MEI1: variants seen among roughly 807,000 people sequenced by gnomAD.
MEI1 encodes meiosis inhibitor protein 1.
Under a neutral mutation model 146.2 loss-of-function variants are expected in MEI1, and 103 were observed. The observed-to-expected ratio is 0.70, with a 90% CI of 0.60 to 0.83. MEI1 has a LOEUF of 0.83. MEI1 is among the 40% of genes least tolerant of loss of function. The pLI is 0.00. For missense variants in MEI1, 1,529 were observed against 1,533.0 expected (o/e 1.00, Z 0.04); for synonymous variants, 652 against 628.2 (o/e 1.04, Z -0.57).
intron 4 of MEI1, 31 bp from the exon 5 acceptor site, chr22:41,716,010 T>G (rs2070112105): frequency 6.7e-7 from 1 of 1,492,582 alleles, no homozygotes; most frequent in Non-Finnish European, 9.2e-7. Flanking sequence ...TGATCCTAAT[T>G]GACAGAATGG....
Position 41,745,908 on chromosome 22 carries a change from A to G in MEI1, c.1562A>G (p.Glu521Gly). The G allele has an allele frequency of 6.2e-7, 1 of 1,611,280 alleles. No homozygotes were observed. Among genetic ancestry groups the G allele is most frequent in the Non-Finnish European group, 8.5e-7 (1 of 1,177,986 alleles). ...AGGTTGGCTATAGAATTCCAGAGTG[A>G]GCCTTCAGCCCAGGAGAATCCATTC... The part of the protein sequence containing the change: ...ACRLAIEFQS[E>G]PSAQENPFTA... Residue 521 changes from glutamate to glycine, a missense_variant, in exon 14 of 31, where the codon GAG (glutamate) becomes GGG (glycine). Glu to Gly is a moderately conservative substitution (Grantham distance 98). Around this residue, in one of 3 missense-constraint regions of MEI1, gnomAD observed 1,212 missense variants for 1,178.9 expected, o/e 1.03. Transcript: ENST00000401548.
chr22:41,739,265 T>C (rs1465346626), intron 11 of MEI1, among the ~76,000 whole-genome samples: 3 of 152,258 alleles, frequency 2.0e-5, no homozygotes, highest in African/African-American at 7.2e-5. Context: ...ATTTTTTGTC[T>C]TCTCTACATG....
At chr22:41,712,178 T>C (rs1356913325) in intron 3 of MEI1, among the ~76,000 whole-genome samples, 5 of 81,476 alleles carry the variant, frequency 6.1e-5, no homozygotes, top group African/African-American at 3.0e-4. Flanking sequence ...CACTCCAGCC[T>C]GGGCAACAAG....
chr22:41,721,070 C>T (rs1175663818), intron 6 of MEI1, among the ~76,000 whole-genome samples: 11 of 150,852 alleles, frequency 7.3e-5, no homozygotes, highest in Admixed American at 2.6e-4. Flanking sequence ...TAAGCCACTG[C>T]GCCCAGCCTT....
chr22:41,771,107 T>C, intron 20 of MEI1, 146 bp downstream of exon 20: 1 of 881,118 alleles, frequency 1.1e-6, no homozygotes, highest in Non-Finnish European at 1.8e-6. Context: ...GGAGGGGTGG[T>C]GGTCTCTTCT....
intron 1 of MEI1, among the ~76,000 whole-genome samples, chr22:41,702,210 G>A (rs1345997653): frequency 8.5e-5 from 13 of 152,144 alleles, no homozygotes; most frequent in Admixed American, 4.6e-4. Flanking sequence ...GCGCAATCTT[G>A]GCTCACTGCA....
intron 22 of MEI1, 127 bp from the exon 23 acceptor site, chr22:41,781,157 T>C (rs2075739286): frequency 1.5e-6 from 1 of 670,394 alleles, no homozygotes; most frequent in African/African-American, 1.8e-5. Context: ...TTGGTTGTAA[T>C]ATCAGGGATA....
chr22:41,764,427 C>T (rs1231420943), intron 19 of MEI1, among the ~76,000 whole-genome samples: 1 of 152,170 alleles, frequency 6.6e-6, no homozygotes, highest in Non-Finnish European at 1.5e-5. Context: ...CCAGGTGTGT[C>T]TTACTTGAAA....
chr22:41,765,719 G>A (rs1461051261), intron 19 of MEI1, among the ~76,000 whole-genome samples: 1 of 151,638 alleles, frequency 6.6e-6, no homozygotes, highest in Non-Finnish European at 1.5e-5. Context: ...AATTTTCAGA[G>A]AGTCATTTTA....
chr22:41,786,231 C>T (rs544963618), intron 26 of MEI1, among the ~76,000 whole-genome samples: 1 of 152,196 alleles, frequency 6.6e-6, no homozygotes, highest in South Asian at 2.1e-4. Context: ...TTTTTAAATA[C>T]AGATGGGGTC....
intron 4 of MEI1, among the ~76,000 whole-genome samples, 162 bp downstream of exon 4, chr22:41,714,237 G>A (rs907722752): frequency 1.3e-5 from 2 of 152,152 alleles, no homozygotes; most frequent in African/African-American, 4.8e-5. Context: ...TGGGTCCACT[G>A]ATCATGCTCC....
Position 41,756,751 on chromosome 22 carries a change from G to A in MEI1, c.1952-1614G>A, listed in dbSNP as rs563253599. ...GGTTTCCCAAAGTGCTGGCATTACC[G>A]GCTTGAGCCACCACGCCTATCCTTC... On this transcript the variant is annotated intron_variant, in intron 17 of 30. Transcript: ENST00000401548. Among the ~76,000 whole-genome samples the A allele has an allele frequency of 1.1e-4, 17 of 152,336 alleles. No individual in the cohort carries two copies. In the South Asian group the frequency reaches 1.2e-3, roughly 11 times the overall value.
intron 19 of MEI1, among the ~76,000 whole-genome samples, chr22:41,766,920 A>G (rs1012456919): frequency 4.6e-5 from 7 of 152,196 alleles, no homozygotes; most frequent in African/African-American, 1.7e-4. Flanking sequence ...AAGAAAGGTT[A>G]GAAGGGAGGT....
At chr22:41,758,998 C>T (rs2074278010) in intron 18 of MEI1, among the ~76,000 whole-genome samples, 1 of 151,020 alleles carries the variant, frequency 6.6e-6, no homozygotes, top group South Asian at 2.1e-4. Context: ...CAAAAATTAG[C>T]CGGGCATGGT....
intron 26 of MEI1, among the ~76,000 whole-genome samples, chr22:41,790,293 A>G (rs2076131738): frequency 6.6e-6 from 1 of 152,054 alleles, no homozygotes; most frequent in African/African-American, 2.4e-5. Context: ...CATGTTGGCC[A>G]GGTTGGTCTC....
chr22:41,715,689 T>A (rs5758432), intron 4 of MEI1, among the ~76,000 whole-genome samples: 1 of 151,992 alleles, frequency 6.6e-6, no homozygotes, highest in Non-Finnish European at 1.5e-5. Context: ...CCACCACGCC[T>A]GGCCAACAAT....
In MEI1 at chr22:41,763,234, C is replaced by A. The variant is rs1232821469; in HGVS notation, c.2181C>A (p.Asp727Glu). The change falls in exon 19 of 31, where the codon GAC becomes GAA. Residue 727 changes from aspartate (D) to glutamate (E), a missense_variant. By Grantham distance (45) the Asp-to-Glu change is conservative (BLOSUM62 2). Around this residue, in one of 3 missense-constraint regions of MEI1, gnomAD observed 1,212 missense variants for 1,178.9 expected, o/e 1.03. Coordinates refer to ENST00000401548, the MANE Select transcript of MEI1 (RefSeq NM_152513.4). ...AVQSFLLSLQ[D>E]QGERPPLVVF... ...AAAGCTTCCTCCTGTCGCTGCAGGACCAGGGCGAGCGCCCCCCACTGGTGG... is the reference window on the plus strand; with the variant it reads ...AAAGCTTCCTCCTGTCGCTGCAGGAACAGGGCGAGCGCCCCCCACTGGTGG... 6.2e-7 allele frequency: 1 copy of A among 1,613,846 alleles called. No individual in the cohort carries two copies. Among genetic ancestry groups the A allele is most frequent in the Non-Finnish European group, 8.5e-7 (1 of 1,179,780 alleles).
At chr22:41,705,195 T>C (rs1248920804) in intron 2 of MEI1, among the ~76,000 whole-genome samples, 1 of 151,046 alleles carries the variant, frequency 6.6e-6, no homozygotes, top group African/African-American at 2.4e-5. Flanking sequence ...TTTTTTTTCT[T>C]GAGACAGTCT....
At chr22:41,734,936 C>T (rs1372197106) in intron 11 of MEI1, among the ~76,000 whole-genome samples, 2 of 151,120 alleles carry the variant, frequency 1.3e-5, no homozygotes, top group African/African-American at 2.4e-5. Context: ...TTGCACCTGG[C>T]CTACATTTTA....
Sources: allele counts gnomAD v4.1 joint callset (sites outside exome capture counted in the v4.1 genomes callset), GRCh38; gene constraint gnomAD v4.1.1; regional missense constraint gnomAD v4.1.1; transcripts MANE v1.5; gene names NCBI Gene and HGNC (gene_info 2026-07-23, HGNC 2026-07-21).